The following WWC1 variants were observed in gnomAD, a reference collection of about 807,000 sequenced individuals.
The protein encoded by WWC1 is protein KIBRA.
A neutral mutation model predicts 138.4 loss-of-function variants in WWC1; 55 were observed. That is an observed-to-expected ratio of 0.40 (90% CI 0.32 to 0.50). The LOEUF is 0.50. Among genes scored for constraint, WWC1 ranks in the 20% least tolerant of loss-of-function variants. The pLI is 0.72. For missense variants in WWC1, 1,226 were observed against 1,420.4 expected (o/e 0.86, Z 2.20); for synonymous variants, 524 against 564.9 (o/e 0.93, Z 1.03).
rs1227903529 is a variant in WWC1, at chr5:168,408,641, C to G, written c.855C>G (p.Asp285Glu). 1 of 1,614,142 alleles carries G rather than the reference C, an allele frequency of 6.2e-7. No individual in the cohort carries two copies. The highest frequency in any genetic ancestry group is 1.1e-5 in the South Asian group (1 of 91,074). The change falls in exon 7 of 23, where the codon GAC (aspartate) becomes GAG (glutamate). Residue 285 changes from aspartate to glutamate, a missense_variant. Around this residue, in one of 3 missense-constraint regions of WWC1, gnomAD observed 1,016 missense variants for 1,153.9 expected, o/e 0.88. Transcript: ENST00000265293. ...ACCTGGATGTGAGCTCCCAGACAGACATCTCGGGAAGCGTGAGTAGACGGG... is the reference window on the plus strand; with the variant it reads ...ACCTGGATGTGAGCTCCCAGACAGAGATCTCGGGAAGCGTGAGTAGACGGG... ...KQYLDVSSQT[D>E]ISGSFGINSN... is the part of the protein sequence containing the mutation.
rs1176137861 is a variant in WWC1, at chr5:168,403,010, CTT to C, written c.591-3186_591-3185del. On this transcript the variant is annotated intron_variant, in intron 5 of 22. Transcript: ENST00000265293. ...GCCAAAAGCTCTGTTGTTTCTTTTT[CTT>C]TCTTTCTTTCTTTCTTTCTTTCTTT... Among the ~76,000 whole-genome samples, 213 of 43,852 alleles carry C rather than the reference CTT, an allele frequency of 4.9e-3. 1 individual carries two copies. The highest frequency in any genetic ancestry group is 0.016 in the South Asian group (25 of 1,516). 28.8% of individuals were successfully genotyped at this position (43,852 alleles called of 152,430 possible).
chr5:168,451,699 A>G (rs1197882481), intron 17 of WWC1, among the ~76,000 whole-genome samples: 2 of 152,194 alleles, frequency 1.3e-5, no homozygotes, highest in East Asian at 3.9e-4. Context: ...CGACAGAGCA[A>G]GATGCTGTCT....
In WWC1 at chr5:168,399,582, C is replaced by T. The variant is rs1365353571; in HGVS notation, c.590+15C>T. 3 of 1,613,444 alleles carry T rather than the reference C, an allele frequency of 1.9e-6. No individual in the cohort carries two copies. The highest frequency in any genetic ancestry group is 2.2e-5 in the South Asian group (2 of 90,894). ...ACCCTGAAGAAGTAAGTACACCCTG[C>T]ATCCCAGAGCATGGGGGCTGCTCCC... On this transcript the variant is annotated intron_variant, in intron 5 of 22. Transcript: ENST00000265293.
In WWC1 at chr5:168,291,736, G is replaced by A; in HGVS notation, c.-417G>A. The A allele has an allele frequency of 6.5e-6, 1 of 153,306 alleles. No homozygotes were observed. Among genetic ancestry groups the A allele is most frequent in the South Asian group, 1.8e-4 (1 of 5,668 alleles). 9.5% of individuals were successfully genotyped at this position (153,306 alleles called of 1,614,324 possible). A position where few individuals can be genotyped will look rare whatever the true frequency, so the allele number is the denominator to read the frequency against. On this transcript the variant is annotated 5_prime_UTR_variant, in exon 1 of 23. Transcript: ENST00000265293. ...CCGGCGAGCTCAGAGCGGTGGAGCG[G>A]AGAGGAGGGACGGCACCCGGCTGCA...
At chr5:168,427,980 C>A (rs772229186) in intron 11 of WWC1, 53 bp from the exon 12 acceptor site, 2 of 1,514,976 alleles carry the variant, frequency 1.3e-6, no homozygotes, top group Admixed American at 1.7e-5. Context: ...AATTGGGAGT[C>A]GCAAAGGCAG....
At chr5:168,379,974 A>T (rs1777491927) in intron 2 of WWC1, among the ~76,000 whole-genome samples, 1 of 152,248 alleles carries the variant, frequency 6.6e-6, no homozygotes, top group Admixed American at 6.5e-5. Context: ...AAGTCATAAA[A>T]AGCACTAACC....
chr5:168,420,579 C>T (rs764189623), intron 9 of WWC1, among the ~76,000 whole-genome samples: 4 of 152,102 alleles, frequency 2.6e-5, no homozygotes, highest in East Asian at 1.9e-4. Context: ...CCCCCCGCCC[C>T]GACCTTTAGA....
At chr5:168,433,107 C>T (rs1782077441) in intron 15 of WWC1, among the ~76,000 whole-genome samples, 2 of 152,260 alleles carry the variant, frequency 1.3e-5, no homozygotes, top group Admixed American at 6.5e-5. Flanking sequence ...TCACAGTCTT[C>T]AATTCTTAGT....
At position 168,342,631 on chromosome 5, in the gene WWC1, C is replaced by T. The variant is rs572932333; in HGVS notation, c.120-28793C>T. On this transcript the variant is annotated intron_variant, in intron 1 of 22. Transcript: ENST00000265293. ...ATAGGTTGAAGAGTCGTGGATGACT[C>T]ACTAAGACATTGAGGTGGGAAGGTA... Among the ~76,000 whole-genome samples, 196 of 152,150 alleles carry T rather than the reference C, an allele frequency of 1.3e-3. 1 individual carries two copies. The Middle Eastern group carries it at 0.014, about 11-fold the overall frequency.
At chr5:168,372,925 C>T (rs1776865918) in intron 2 of WWC1, among the ~76,000 whole-genome samples, 1 of 152,226 alleles carries the variant, frequency 6.6e-6, no homozygotes. Flanking sequence ...TAGAAAAGGG[C>T]ATACGTGCAT....
intron 15 of WWC1, 119 bp from the exon 16 acceptor site, chr5:168,441,563 G>T: frequency 1.0e-6 from 1 of 964,328 alleles, no homozygotes; most frequent in Non-Finnish European, 1.5e-6. Context: ...TTCCTGCCGG[G>T]ATGCCTACCT....
At chr5:168,353,813 G>A (rs1047966545) in intron 1 of WWC1, among the ~76,000 whole-genome samples, 3 of 152,154 alleles carry the variant, frequency 2.0e-5, no homozygotes, top group Non-Finnish European at 4.4e-5. Flanking sequence ...AACCTCCTGG[G>A]AGTAGTCCAG....
At chr5:168,414,176 G>A in intron 8 of WWC1, 172 bp from the exon 9 acceptor site, 1 of 902,544 alleles carries the variant, frequency 1.1e-6, no homozygotes, top group Non-Finnish European at 1.6e-6. Context: ...GCACATGGTA[G>A]GCACCCACAT....
At chr5:168,329,184 T>A in intron 1 of WWC1, among the ~76,000 whole-genome samples, 1 of 152,198 alleles carries the variant, frequency 6.6e-6, no homozygotes, top group East Asian at 1.9e-4. Flanking sequence ...TTGATTGCAC[T>A]GCTGACTGAT....
chr5:168,402,887 C>T (rs6862868), intron 5 of WWC1, among the ~76,000 whole-genome samples: 66,182 of 151,858 alleles, frequency 0.44, 14,919 homozygotes, highest in African/African-American at 0.55. Context: ...GCCTACCCTG[C>T]GGCAGAACAT....
chr5:168,429,233 T>C (rs1485915977), intron 13 of WWC1, among the ~76,000 whole-genome samples: 4 of 151,542 alleles, frequency 2.6e-5, no homozygotes, highest in African/African-American at 9.7e-5. Context: ...TGTTTTCTTT[T>C]GTTGGGGGAT....
In WWC1 at chr5:168,423,903, C is replaced by T; in HGVS notation, c.1645C>T (p.Pro549Ser). Residue 549 changes from proline (P) to serine (S), a missense_variant, in exon 11 of 23, where the codon CCT (proline) becomes TCT (serine). By Grantham distance (74) the Pro-to-Ser change is moderately conservative (BLOSUM62 -1). Around this residue, in one of 3 missense-constraint regions of WWC1, gnomAD observed 1,016 missense variants for 1,153.9 expected, o/e 0.88. Transcript: ENST00000265293. ...SLSSPSPPCS[P>S]LMADPLLAGD... The stretch of plus-strand genomic sequence containing the variant: ...CTCCTCCCCCTCCCCACCCTGTTCC[C>T]CTCTCATGGCTGACCCCCTCCTGGC... 1 of 1,614,172 alleles carries T rather than the reference C, an allele frequency of 6.2e-7. No individual in the cohort carries two copies. The highest frequency in any genetic ancestry group is 2.2e-5 in the East Asian group (1 of 44,884).
chr5:168,333,595 T>A (rs1183597254), intron 1 of WWC1, among the ~76,000 whole-genome samples: 3 of 152,142 alleles, frequency 2.0e-5, no homozygotes, highest in Non-Finnish European at 4.4e-5. Flanking sequence ...TGCTCTGAAG[T>A]GCTATCTGTC....
intron 1 of WWC1, among the ~76,000 whole-genome samples, chr5:168,297,637 A>G (rs1322139873): frequency 6.6e-6 from 1 of 151,812 alleles, no homozygotes; most frequent in African/African-American, 2.4e-5. Flanking sequence ...AAAAAAAAAA[A>G]AAAAAAAAAA....
Sources: gnomAD v4.1 joint callset for allele counts (sites outside exome capture counted in the v4.1 genomes callset) on GRCh38, gnomAD v4.1.1 for gene constraint, gnomAD v4.1.1 regional missense constraint, MANE v1.5 for transcripts, NCBI Gene and HGNC (gene_info 2026-07-23, HGNC 2026-07-21) for gene names.